CFAP97: variants seen among roughly 807,000 people sequenced by gnomAD.
CFAP97 encodes the protein cilia and flagella associated protein 97, also known as cilia- and flagella-associated protein 97.
CFAP97 carries 36 observed loss-of-function variants against 43.1 expected under a neutral mutation model. The ratio of observed to expected loss-of-function variants is 0.84; its 90% confidence interval spans 0.64 to 1.10. CFAP97 has a LOEUF of 1.10. Among genes scored for constraint, CFAP97 ranks in the 50% least tolerant of loss-of-function variants. The probability of loss-of-function intolerance (pLI) is 0.00; values close to 1 mark genes in which losing one functional copy is unlikely to be tolerated. For synonymous variants in CFAP97, 228 were observed against 225.7 expected (o/e 1.01, Z -0.09); for missense variants, 657 against 620.3 (o/e 1.06, Z -0.63).
chr4:185,209,771 C>A (rs539995614), upstream of CFAP97: 1 of 984,006 alleles, frequency 1.0e-6, no homozygotes, highest in African/African-American at 1.7e-5. This position sits in a 1 kb window ranked among gnomAD's most constrained non-coding sequence, Gnocchi z 5.2. Context: ...TCCGGAGCGC[C>A]GGCGGGGGAC....
intron 1 of CFAP97, among the ~76,000 whole-genome samples, chr4:185,191,625 A>T (rs1736260376): frequency 6.6e-6 from 1 of 152,214 alleles, no homozygotes; most frequent in African/African-American, 2.4e-5. Context: ...AGGTCAAGAG[A>T]TCGAGACCAT....
In CFAP97 at chr4:185,200,239, G is replaced by C. The variant is rs1736761256; in HGVS notation, c.-17+3659C>G. On this transcript the variant is annotated intron_variant, in intron 1 of 4. Transcript: ENST00000458385. ...TGGCACGGGAACTAGAATTAGAAGT[G>C]GAGCCTGGTATTTTAGAAGGCCAAG... is the stretch of plus-strand genomic sequence containing the variant. Among the ~76,000 whole-genome samples, 6 of 152,308 alleles carry C rather than the reference G, an allele frequency of 3.9e-5. No homozygotes were observed. In the South Asian group the frequency reaches 1.2e-3, roughly 32 times the overall value.
chr4:185,200,084 T>C (rs1736756494), intron 1 of CFAP97, among the ~76,000 whole-genome samples: 1 of 152,248 alleles, frequency 6.6e-6, no homozygotes, highest in African/African-American at 2.4e-5. Flanking sequence ...TTAAGAACAC[T>C]TATGATTCAT....
intron 1 of CFAP97, among the ~76,000 whole-genome samples, chr4:185,200,833 C>T (rs1163240725): frequency 6.6e-6 from 1 of 152,092 alleles, no homozygotes; most frequent in Admixed American, 6.6e-5. Context: ...TGAATTGCTG[C>T]AATCTCACAA....
Position 185,191,153 on chromosome 4 carries a change from G to A in CFAP97, c.44C>T (p.Ser15Phe), listed in dbSNP as rs1232860866. The change falls in exon 2 of 5, where the codon TCT (serine) becomes TTT (phenylalanine). Residue 15 changes from serine (S) to phenylalanine (F), a missense_variant. Ser to Phe is a radical substitution (Grantham distance 155). Coordinates refer to ENST00000458385, the MANE Select transcript of CFAP97 (RefSeq NM_020827.3). ...TTCTTCAAAGTCACTGTCAAAGAAA[G>A]AATGGTCCACTTCACCTTCTAATAT... is the stretch of plus-strand genomic sequence containing the variant. ...GDILEGEVDH[S>F]FFDSDFEEGK... 2 of 1,603,378 alleles carry A rather than the reference G, an allele frequency of 1.2e-6. No homozygotes were observed. The highest frequency in any genetic ancestry group is 1.7e-6 in the Non-Finnish European group (2 of 1,176,488).
At chr4:185,208,620 C>T (rs552100372), upstream of CFAP97, among the ~76,000 whole-genome samples, 2 of 151,718 alleles carry the variant, frequency 1.3e-5, no homozygotes, top group East Asian at 3.9e-4. Context: ...CCCAGCTACT[C>T]GGGAGGCTGA....
At chr4:185,184,271 A>G (rs6825860) in intron 2 of CFAP97, among the ~76,000 whole-genome samples, 5,891 of 152,258 alleles carry the variant, frequency 0.039, 387 homozygotes, top group African/African-American at 0.13. Context: ...GCTCTCTTGG[A>G]CAAAGTTGGC....
At chr4:185,172,850 CAA>C (rs1159858914) in intron 3 of CFAP97, among the ~76,000 whole-genome samples, 3,697 of 52,692 alleles carry the variant, frequency 0.07, 108 homozygotes, top group South Asian at 0.21. Context: ...CCCATCTCTA[CAA>C]AAAAAAAAAA....
intron 2 of CFAP97, among the ~76,000 whole-genome samples, chr4:185,187,358 A>G (rs916867387): frequency 6.6e-6 from 1 of 152,168 alleles, no homozygotes; most frequent in Admixed American, 6.5e-5. Context: ...GGAAATTCCA[A>G]CAAGAAATAA....
intron 3 of CFAP97, among the ~76,000 whole-genome samples, chr4:185,167,385 G>GTCCA (rs1256847999): frequency 6.6e-6 from 1 of 152,112 alleles, no homozygotes; most frequent in African/African-American, 2.4e-5. Context: ...AATGGCTTGA[G>GTCCA]TCCAGGAGGT....
At chr4:185,174,247 T>C (rs8180154) in intron 3 of CFAP97, among the ~76,000 whole-genome samples, 12 of 152,182 alleles carry the variant, frequency 7.9e-5, no homozygotes, top group Admixed American at 6.5e-4. Flanking sequence ...AGTAATCCCA[T>C]ATGTTTTTGA....
At chr4:185,179,000 A>G (rs933876996) in intron 2 of CFAP97, among the ~76,000 whole-genome samples, 1 of 152,204 alleles carries the variant, frequency 6.6e-6, no homozygotes, top group Non-Finnish European at 1.5e-5. Context: ...GGGGCGCTAA[A>G]AAAATCATAA....
intron 2 of CFAP97, among the ~76,000 whole-genome samples, chr4:185,180,880 C>T (rs544031754): frequency 6.0e-4 from 92 of 152,182 alleles, no homozygotes; most frequent in Middle Eastern, 3.4e-3. Flanking sequence ...TAACACCCCC[C>T]CTAAAGACTG....
intron 2 of CFAP97, among the ~76,000 whole-genome samples, chr4:185,189,722 T>C (rs76425457): frequency 0.021 from 3,168 of 152,338 alleles, 51 homozygotes; most frequent in Middle Eastern, 0.068. Context: ...AGTTCTCTCA[T>C]TTGCCAGCAT....
chr4:185,192,826 C>T (rs541575061), intron 1 of CFAP97, among the ~76,000 whole-genome samples: 4 of 148,714 alleles, frequency 2.7e-5, no homozygotes, highest in East Asian at 3.9e-4. Context: ...GTGCAAGCTC[C>T]GCCTCCCGGG....
rs1553969348 is a variant in CFAP97, at chr4:185,164,273, C to CAT, written c.1321-95_1321-94insAT. 6 of 993,582 alleles carry CAT rather than the reference C, an allele frequency of 6.0e-6. No individual in the cohort carries two copies. In the Admixed American group the frequency reaches 1.5e-4, roughly 24 times the overall value. The allele number at this position is 993,582 out of a possible 1,614,324, so 61.5% of individuals were successfully genotyped here. ...CTAGAGCCTGACATTCACTTTCTTT[C>CAT]TTTTTTTTTTTAAGAGACAAGATCT... On this transcript the variant is annotated intron_variant, in intron 3 of 4. Transcript: ENST00000458385.
intron 3 of CFAP97, among the ~76,000 whole-genome samples, chr4:185,175,352 C>T (rs527882565): frequency 3.3e-5 from 5 of 151,824 alleles, no homozygotes; most frequent in African/African-American, 4.8e-5. Flanking sequence ...CTGTAACCTC[C>T]GCCTCCCGGG....
intron 1 of CFAP97, among the ~76,000 whole-genome samples, chr4:185,197,374 AT>A (rs1241287136): frequency 6.6e-6 from 1 of 152,070 alleles, no homozygotes; most frequent in Admixed American, 6.6e-5. Context: ...ATTACACTGA[AT>A]GTCTCTGCTG....
At chr4:185,197,672 C>T (rs562698567) in intron 1 of CFAP97, among the ~76,000 whole-genome samples, 12 of 152,264 alleles carry the variant, frequency 7.9e-5, no homozygotes, top group Non-Finnish European at 1.2e-4. Flanking sequence ...GGGATCCGCC[C>T]GCCTTGGCCT....
Sources: gnomAD v4.1 joint callset for allele counts (sites outside exome capture counted in the v4.1 genomes callset) on GRCh38, gnomAD v4.1.1 for gene constraint, Gnocchi (gnomAD v3.1) non-coding constraint, MANE v1.5 for transcripts, NCBI Gene and HGNC (gene_info 2026-07-23, HGNC 2026-07-21) for gene names.